CCSER1: variants seen among roughly 807,000 people sequenced by gnomAD.
CCSER1 encodes the protein coiled-coil serine rich protein 1.
Under a neutral mutation model 82.0 loss-of-function variants are expected in CCSER1, and 41 were observed. The ratio of observed to expected loss-of-function variants is 0.50; its 90% CI spans 0.39 to 0.65. CCSER1 has a LOEUF of 0.65. Ranked by LOEUF, CCSER1 falls within the 30% of genes least tolerant of loss-of-function variation. The probability of loss-of-function intolerance (pLI) is 0.00; values close to 1 mark genes in which losing one functional copy is unlikely to be tolerated. For synonymous variants in CCSER1, 414 were observed against 383.9 expected (o/e 1.08, Z -0.92); for missense variants, 1,119 against 1,064.2 (o/e 1.05, Z -0.72).
intron 10 of CCSER1, among the ~76,000 whole-genome samples, chr4:91,212,520 C>T (rs2149086727): frequency 6.6e-6 from 1 of 152,082 alleles, no homozygotes; most frequent in African/African-American, 2.4e-5. Flanking sequence ...CCACCTGTGT[C>T]TGGGAATTCA....
Position 90,665,371 on chromosome 4 carries a change from G to A in CCSER1, c.1932+37139G>A, listed in dbSNP as rs568101597. Among the ~76,000 whole-genome samples, 93 of 151,582 alleles carry A rather than the reference G, an allele frequency of 6.1e-4. 1 individual carries two copies. The highest frequency in any genetic ancestry group is 1.1e-3 in the Non-Finnish European group (73 of 67,894). On this transcript the variant is annotated intron_variant, in intron 6 of 10. Transcript: ENST00000509176. ...CGGAGTCTTGCTGTCGCCCAGGCTGGAGTGCAGTGGCGTGATCTCGGCTCA... is the reference window on the plus strand; with the variant it reads ...CGGAGTCTTGCTGTCGCCCAGGCTGAAGTGCAGTGGCGTGATCTCGGCTCA...
At chr4:90,249,020 T>C (rs1343638832) in intron 1 of CCSER1, among the ~76,000 whole-genome samples, 1 of 152,142 alleles carries the variant, frequency 6.6e-6, no homozygotes, top group East Asian at 1.9e-4. Context: ...TCTTAATTAT[T>C]TTTGTTGAGT....
intron 10 of CCSER1, among the ~76,000 whole-genome samples, chr4:91,568,470 C>T (rs906277558): frequency 1.3e-5 from 2 of 152,162 alleles, no homozygotes; most frequent in Non-Finnish European, 2.9e-5. Context: ...CTACCCTTTC[C>T]TTTCTGGGAA....
chr4:91,092,786 A>G (rs1581534968), intron 10 of CCSER1, among the ~76,000 whole-genome samples: 1 of 152,118 alleles, frequency 6.6e-6, no homozygotes, highest in Non-Finnish European at 1.5e-5. Context: ...GCACCAGATC[A>G]GGTGTTTGAG....
chr4:90,130,755 T>A (rs1032013065), intron 1 of CCSER1, among the ~76,000 whole-genome samples: 1 of 146,846 alleles, frequency 6.8e-6, no homozygotes, highest in African/African-American at 2.5e-5. Flanking sequence ...TCCGGAGTAG[T>A]TGGGACTACA....
chr4:90,807,725 G>GA (rs889060963), intron 7 of CCSER1, among the ~76,000 whole-genome samples: 1 of 150,704 alleles, frequency 6.6e-6, no homozygotes, highest in Non-Finnish European at 1.5e-5. Flanking sequence ...AAACACTGAT[G>GA]AAAAAAATCA....
chr4:91,078,643 G>A (rs1214686233), intron 9 of CCSER1, among the ~76,000 whole-genome samples: 5 of 152,180 alleles, frequency 3.3e-5, no homozygotes, highest in Non-Finnish European at 7.3e-5. Flanking sequence ...CGAGCTAAAG[G>A]AGGATGTACG....
chr4:90,163,435 A>G (rs1431520640), intron 1 of CCSER1, among the ~76,000 whole-genome samples: 1 of 152,096 alleles, frequency 6.6e-6, no homozygotes, highest in African/African-American at 2.4e-5. Context: ...AAGTATGGGA[A>G]TTTTTACATT....
At chr4:90,165,531 A>T (rs1304673364) in intron 1 of CCSER1, among the ~76,000 whole-genome samples, 1 of 152,064 alleles carries the variant, frequency 6.6e-6, no homozygotes, top group Admixed American at 6.6e-5. Context: ...CAAACATTAA[A>T]TTGTTACTCT....
At chr4:91,301,826 C>A (rs1165987211) in intron 10 of CCSER1, among the ~76,000 whole-genome samples, 1 of 151,900 alleles carries the variant, frequency 6.6e-6, no homozygotes, top group Non-Finnish European at 1.5e-5. Context: ...ATGAGGCAAA[C>A]AGGGCTCTGT....
intron 10 of CCSER1, among the ~76,000 whole-genome samples, chr4:91,087,327 T>C (rs1723488139): frequency 6.6e-6 from 1 of 152,118 alleles, no homozygotes; most frequent in Non-Finnish European, 1.5e-5. Flanking sequence ...ATCCGTACGA[T>C]GGCATTGCTA....
intron 10 of CCSER1, among the ~76,000 whole-genome samples, chr4:91,431,975 C>A (rs1469102390): frequency 2.0e-5 from 3 of 151,980 alleles, no homozygotes; most frequent in Non-Finnish European, 4.4e-5. Flanking sequence ...AATCTCATCT[C>A]GAATTATAAT....
intron 4 of CCSER1, among the ~76,000 whole-genome samples, chr4:90,421,189 G>C (rs1293385402): frequency 6.6e-6 from 1 of 152,138 alleles, no homozygotes; most frequent in Non-Finnish European, 1.5e-5. Context: ...GGTTGCAATT[G>C]TGCATACTAA....
chr4:91,149,643 A>C (rs1042088789), intron 10 of CCSER1, among the ~76,000 whole-genome samples: 1 of 152,160 alleles, frequency 6.6e-6, no homozygotes, highest in Non-Finnish European at 1.5e-5. Context: ...TTCATCTTGA[A>C]TTAATTTTTG....
intron 10 of CCSER1, among the ~76,000 whole-genome samples, chr4:91,294,169 A>C (rs919008625): frequency 2.0e-5 from 3 of 152,012 alleles, no homozygotes; most frequent in Admixed American, 1.3e-4. Context: ...GTTCCTTAAT[A>C]ATATTTGCTG....
chr4:90,938,644 C>T, intron 9 of CCSER1: 2 of 348,706 alleles, frequency 5.7e-6, no homozygotes, highest in South Asian at 2.4e-5. Flanking sequence ...TTATTGATTT[C>T]ATTCATTTCT....
chr4:90,319,040 C>T (rs1207992197), intron 3 of CCSER1, among the ~76,000 whole-genome samples: 1 of 152,172 alleles, frequency 6.6e-6, no homozygotes, highest in Non-Finnish European at 1.5e-5. Flanking sequence ...GGCACATGAA[C>T]TCCTGTTTCC....
At chr4:90,853,133 G>A (rs770294835) in intron 8 of CCSER1, among the ~76,000 whole-genome samples, 1 of 152,014 alleles carries the variant, frequency 6.6e-6, no homozygotes, top group Non-Finnish European at 1.5e-5. Flanking sequence ...TAAAGATGTA[G>A]AGTCCTTCTT....
At chr4:91,001,316 T>A (rs2150477178) in intron 9 of CCSER1, among the ~76,000 whole-genome samples, 1 of 152,276 alleles carries the variant, frequency 6.6e-6, no homozygotes, top group African/African-American at 2.4e-5. Flanking sequence ...TTCCTAATAT[T>A]TCTTTTAGGA....
Sources: gnomAD v4.1 joint callset for allele counts (sites outside exome capture counted in the v4.1 genomes callset) on GRCh38, gnomAD v4.1.1 for gene constraint, MANE v1.5 for transcripts, NCBI Gene and HGNC (gene_info 2026-07-23, HGNC 2026-07-21) for gene names.